Variants in SUSD1 observed in about 807,000 individuals in gnomAD.
SUSD1 encodes the protein sushi domain containing 1, also known as sushi domain-containing protein 1.
A neutral mutation model predicts 86.9 loss-of-function variants in SUSD1; 65 were observed. The ratio of observed to expected loss-of-function variants is 0.75; its 90% confidence interval spans 0.61 to 0.92. The LOEUF (loss-of-function observed/expected upper bound fraction) is 0.92, where lower values mean the gene tolerates loss of function less well. Ranked by LOEUF, SUSD1 falls within the 40% of genes least tolerant of loss-of-function variation. The pLI is 0.00. For synonymous variants in SUSD1, 346 were observed against 350.0 expected, an observed-to-expected ratio of 0.99 and a Z score of 0.13; for missense variants, 850 against 929.7, an observed-to-expected ratio of 0.91 and a Z score of 1.11.
chr9:112,125,921 C>T (rs1377064310), intron 5 of SUSD1, among the ~76,000 whole-genome samples: 2 of 152,204 alleles, frequency 1.3e-5, no homozygotes, highest in African/African-American at 4.8e-5. Flanking sequence ...AGCAGGATCT[C>T]ATCTAATTTC....
intron 6 of SUSD1, among the ~76,000 whole-genome samples, chr9:112,123,920 C>G (rs968860899): frequency 6.6e-6 from 1 of 152,040 alleles, no homozygotes; most frequent in African/African-American, 2.4e-5. Context: ...CTCTGAAAAG[C>G]GGTCAACAGG....
intron 8 of SUSD1, among the ~76,000 whole-genome samples, chr9:112,103,411 AT>A (rs1462101221): frequency 2.0e-5 from 3 of 152,250 alleles, no homozygotes; most frequent in African/African-American, 7.2e-5. Context: ...GGTCACATGT[AT>A]GCATGTGATT....
intron 10 of SUSD1, among the ~76,000 whole-genome samples, chr9:112,083,673 C>T (rs548577801): frequency 1.3e-3 from 193 of 152,304 alleles, no homozygotes; most frequent in Non-Finnish European, 2.1e-3. Flanking sequence ...AATTTCTTCA[C>T]GGTCAGAATA....
At chr9:112,068,601 C>T (rs1829098425) in intron 12 of SUSD1, among the ~76,000 whole-genome samples, 1 of 151,630 alleles carries the variant, frequency 6.6e-6, no homozygotes, top group Admixed American at 6.6e-5. Context: ...ACTCATGAGG[C>T]CAAGGTGGGA....
At chr9:112,139,539 G>T (rs1249042228) in intron 5 of SUSD1, among the ~76,000 whole-genome samples, 1 of 151,966 alleles carries the variant, frequency 6.6e-6, no homozygotes, top group African/African-American at 2.4e-5. Flanking sequence ...CAACCTCACA[G>T]GCTCAAGTGG....
chr9:112,166,865 A>G (rs753042320), intron 1 of SUSD1, among the ~76,000 whole-genome samples: 1 of 152,184 alleles, frequency 6.6e-6, no homozygotes, highest in Non-Finnish European at 1.5e-5. Flanking sequence ...GAAACAGGAA[A>G]GTTGAAGAAC....
chr9:112,067,146 G>A (rs1051140145), intron 12 of SUSD1, among the ~76,000 whole-genome samples: 3 of 152,230 alleles, frequency 2.0e-5, no homozygotes, highest in African/African-American at 7.2e-5. Context: ...CCAAAGTGCT[G>A]GGATTACAGG....
intron 3 of SUSD1, among the ~76,000 whole-genome samples, chr9:112,147,630 G>A (rs893226515): frequency 2.0e-5 from 3 of 151,868 alleles, no homozygotes; most frequent in South Asian, 2.1e-4. Context: ...TTAGCCAGTC[G>A]TGGCAGTGCG....
chr9:112,137,132 T>C (rs1192691807), intron 5 of SUSD1, among the ~76,000 whole-genome samples: 1 of 152,190 alleles, frequency 6.6e-6, no homozygotes, highest in Non-Finnish European at 1.5e-5. Flanking sequence ...TACCAATCTA[T>C]AAAACTTACA....
At chr9:112,150,698 A>G (rs1421336409) in intron 2 of SUSD1, among the ~76,000 whole-genome samples, 1 of 152,230 alleles carries the variant, frequency 6.6e-6, no homozygotes, top group Non-Finnish European at 1.5e-5. Context: ...AAACCTGTAT[A>G]GCATGTTACT....
At chr9:112,083,307 A>G (rs893545660) in intron 10 of SUSD1, among the ~76,000 whole-genome samples, 9 of 151,992 alleles carry the variant, frequency 5.9e-5, no homozygotes, top group Non-Finnish European at 1.2e-4. Context: ...AGCTCAGTGC[A>G]ACCTCTGCCT....
At chr9:112,112,155 C>G (rs1006640088) in intron 7 of SUSD1, 1 of 245,062 alleles carries the variant, frequency 4.1e-6, no homozygotes, top group African/African-American at 2.2e-5. Context: ...CGGGCTTGCT[C>G]TGGGGGAGTG....
chr9:112,090,198 CA>C (rs1295665344), intron 10 of SUSD1, among the ~76,000 whole-genome samples: 3 of 151,812 alleles, frequency 2.0e-5, no homozygotes, highest in East Asian at 3.9e-4. Context: ...GAAGAAAATT[CA>C]AAAAGTTAAA....
chr9:112,080,935 G>A (rs905752645), intron 10 of SUSD1, among the ~76,000 whole-genome samples: 3 of 152,182 alleles, frequency 2.0e-5, no homozygotes, highest in African/African-American at 7.2e-5. Flanking sequence ...AGAATAGGAG[G>A]TGGCGGGATT....
At chr9:112,118,570 C>T (rs2782943) in intron 6 of SUSD1, among the ~76,000 whole-genome samples, 69,142 of 151,954 alleles carry the variant, frequency 0.46, 16,396 homozygotes, top group East Asian at 0.7. Context: ...CTGCAACCTC[C>T]GCCTCCTGAG....
chr9:112,089,811 C>CAA (rs3983407), intron 10 of SUSD1, among the ~76,000 whole-genome samples: 12 of 115,916 alleles, frequency 1.0e-4, no homozygotes, highest in Middle Eastern at 4.5e-3. Flanking sequence ...GATTCCATCT[C>CAA]AAAAAAAAAA....
chr9:112,062,617 C>T (rs117781217), intron 13 of SUSD1, among the ~76,000 whole-genome samples: 7,268 of 152,158 alleles, frequency 0.048, 237 homozygotes, highest in Admixed American at 0.091. Context: ...ATCACTTGCA[C>T]CCAGCAGGTG....
intron 1 of SUSD1, among the ~76,000 whole-genome samples, chr9:112,160,924 A>G (rs1172904918): frequency 2.0e-5 from 3 of 152,226 alleles, no homozygotes; most frequent in African/African-American, 7.2e-5. Context: ...AATGAACCAG[A>G]AGGCTCCACA....
intron 8 of SUSD1, among the ~76,000 whole-genome samples, chr9:112,108,773 T>TAAAAAAAA (rs1830953252): frequency 3.0e-5 from 1 of 32,980 alleles, no homozygotes; most frequent in African/African-American, 1.8e-4. Context: ...GCTGGGTGTC[T>TAAAAAAAA]CAAAAAAAAA....
Sources: allele counts gnomAD v4.1 joint callset (sites outside exome capture counted in the v4.1 genomes callset), GRCh38; gene constraint gnomAD v4.1.1; transcripts MANE v1.5; gene names NCBI Gene and HGNC (gene_info 2026-07-23, HGNC 2026-07-21).